Variants in RPS6KC1 observed in about 807,000 individuals in gnomAD.
The protein encoded by RPS6KC1 is ribosomal protein S6 kinase C1, also known as inactive ribosomal protein S6 kinase delta-1.
RPS6KC1 carries 54 observed loss-of-function variants against 103.8 expected under a neutral mutation model. That is an observed-to-expected ratio of 0.52 (90% CI 0.42 to 0.65). The LOEUF (loss-of-function observed/expected upper bound fraction) is 0.65, where lower values mean the gene tolerates loss of function less well. RPS6KC1 is among the 30% of genes least tolerant of loss of function. The pLI is 0.00. For missense variants in RPS6KC1, 1,151 were observed against 1,253.8 expected (o/e 0.92, Z 1.24); for synonymous variants, 439 against 438.7 (o/e 1.00, Z -0.01).
At chr1:213,714,255 C>G in the RPS6KC1 span, among the ~76,000 whole-genome samples, 1 of 152,186 alleles carries the variant, frequency 6.6e-6, no homozygotes, top group Admixed American at 6.5e-5. Flanking sequence ...GTATTTGGCA[C>G]GCTAATGTTA....
At chr1:213,448,055 A>G in the RPS6KC1 span, among the ~76,000 whole-genome samples, 1 of 151,812 alleles carries the variant, frequency 6.6e-6, no homozygotes, top group South Asian at 2.1e-4. Flanking sequence ...GAATATAGTG[A>G]GACTCCCATC....
downstream of RPS6KC1, among the ~76,000 whole-genome samples, chr1:213,278,862 T>C (rs565071774): frequency 1.8e-4 from 28 of 152,130 alleles, no homozygotes; most frequent in Admixed American, 7.2e-4. Flanking sequence ...GAAGTGTAGA[T>C]AGGATTTTTA....
intron 1 of RPS6KC1, among the ~76,000 whole-genome samples, chr1:213,061,539 A>G (rs2077840133): frequency 6.6e-6 from 1 of 150,870 alleles, no homozygotes; most frequent in African/African-American, 2.4e-5. Flanking sequence ...TAAGGTAACA[A>G]TTGCCTATGT....
the RPS6KC1 span, among the ~76,000 whole-genome samples, chr1:213,450,271 C>T: frequency 3.3e-5 from 5 of 151,612 alleles, no homozygotes; most frequent in African/African-American, 1.2e-4. Flanking sequence ...CCCTGGCTTG[C>T]GATTGTATTT....
chr1:213,666,754 C>T, the RPS6KC1 span, among the ~76,000 whole-genome samples: 13 of 152,204 alleles, frequency 8.5e-5, no homozygotes, highest in Non-Finnish European at 1.5e-4. Context: ...CCTGCTCTTA[C>T]GGCAAAGTAG....
the RPS6KC1 span, among the ~76,000 whole-genome samples, chr1:213,499,557 G>A: frequency 1.3e-5 from 2 of 152,166 alleles, no homozygotes; most frequent in Admixed American, 1.3e-4. Flanking sequence ...GCTCCTATGA[G>A]ACTCTCATGC....
At chr1:213,495,052 C>A in the RPS6KC1 span, among the ~76,000 whole-genome samples, 3 of 152,132 alleles carry the variant, frequency 2.0e-5, no homozygotes, top group East Asian at 1.9e-4. Flanking sequence ...TACAGCCCAG[C>A]CTTGTGGTCT....
At chr1:213,667,786 G>T in the RPS6KC1 span, among the ~76,000 whole-genome samples, 1 of 152,154 alleles carries the variant, frequency 6.6e-6, no homozygotes. Context: ...CCTATAATAA[G>T]TTTGTGGAAT....
chr1:213,390,606 A>G, the RPS6KC1 span, among the ~76,000 whole-genome samples: 1 of 152,210 alleles, frequency 6.6e-6, no homozygotes, highest in African/African-American at 2.4e-5. Flanking sequence ...TTCTGAGTTT[A>G]GTGCACACCA....
intron 6 of RPS6KC1, among the ~76,000 whole-genome samples, chr1:213,142,717 G>A (rs936535900): frequency 5.3e-5 from 8 of 152,214 alleles, no homozygotes; most frequent in African/African-American, 1.9e-4. Flanking sequence ...CATAAAAGCA[G>A]TATTCCCTCT....
chr1:213,346,139 C>T, the RPS6KC1 span, among the ~76,000 whole-genome samples: 1 of 152,154 alleles, frequency 6.6e-6, no homozygotes, highest in Non-Finnish European at 1.5e-5. Flanking sequence ...ATTCCAATTT[C>T]CTCAATTTTT....
At chr1:213,630,828 TG>T in the RPS6KC1 span, among the ~76,000 whole-genome samples, 6 of 152,360 alleles carry the variant, frequency 3.9e-5, no homozygotes, top group East Asian at 1.2e-3. Context: ...TATTGGAGTT[TG>T]CCGGAGGTCC....
chr1:213,772,369 T>C, the RPS6KC1 span, among the ~76,000 whole-genome samples: 1 of 152,174 alleles, frequency 6.6e-6, no homozygotes, highest in African/African-American at 2.4e-5. Flanking sequence ...AATAGAAACA[T>C]TAACTCCCAC....
chr1:213,318,356 C>T, the RPS6KC1 span, among the ~76,000 whole-genome samples: 1 of 152,188 alleles, frequency 6.6e-6, no homozygotes. Flanking sequence ...GGCTAAAGGC[C>T]CTTGTCTTGC....
At chr1:213,242,868 A>G (rs922782970) in intron 12 of RPS6KC1, among the ~76,000 whole-genome samples, 5 of 152,204 alleles carry the variant, frequency 3.3e-5, no homozygotes, top group Non-Finnish European at 7.3e-5. Flanking sequence ...GTGTGTCCAC[A>G]TATTTATTAT....
the RPS6KC1 span, among the ~76,000 whole-genome samples, chr1:213,781,230 G>A: frequency 2.6e-5 from 4 of 152,162 alleles, no homozygotes; most frequent in African/African-American, 9.7e-5. Flanking sequence ...AAGATAAAAG[G>A]CAGATCATTT....
chr1:213,463,591 C>T, the RPS6KC1 span, among the ~76,000 whole-genome samples: 3 of 152,084 alleles, frequency 2.0e-5, no homozygotes, highest in South Asian at 2.1e-4. Context: ...ATCTCCCTAG[C>T]GCAGTACATG....
chr1:213,189,525 G>A (rs2092674039), intron 8 of RPS6KC1, among the ~76,000 whole-genome samples: 1 of 150,816 alleles, frequency 6.6e-6, no homozygotes, highest in African/African-American at 2.4e-5. Flanking sequence ...TAATTTTTGT[G>A]GGTACATAGT....
intron 1 of RPS6KC1, among the ~76,000 whole-genome samples, chr1:213,053,382 C>T (rs1346952674): frequency 6.6e-6 from 1 of 152,222 alleles, no homozygotes; most frequent in Non-Finnish European, 1.5e-5. Context: ...CATGCATGTG[C>T]ATGGCACACA....
Sources: allele counts gnomAD v4.1 joint callset (sites outside exome capture counted in the v4.1 genomes callset), GRCh38; gene constraint gnomAD v4.1.1; transcripts MANE v1.5; gene names NCBI Gene and HGNC (gene_info 2026-07-23, HGNC 2026-07-21).